The following TXLNB variants were observed in gnomAD, a reference collection of about 807,000 sequenced individuals.
TXLNB encodes beta-taxilin.
A neutral mutation model predicts 57.4 loss-of-function variants in TXLNB; 37 were observed. The ratio of observed to expected loss-of-function variants is 0.64; its 90% CI spans 0.50 to 0.85. The LOEUF is 0.85. Ranked by LOEUF, TXLNB falls within the 40% of genes least tolerant of loss-of-function variation. The probability of loss-of-function intolerance (pLI) is 0.00; values close to 1 mark genes in which losing one functional copy is unlikely to be tolerated. For synonymous variants in TXLNB, 302 were observed against 309.6 expected (o/e 0.98, Z 0.26); for missense variants, 848 against 825.6 (o/e 1.03, Z -0.33).
the TXLNB span, among the ~76,000 whole-genome samples, chr6:139,302,540 G>A: frequency 6.6e-6 from 1 of 150,528 alleles, no homozygotes; most frequent in Non-Finnish European, 1.5e-5. Flanking sequence ...GAGGCGGGTG[G>A]ATTGCCTGAG....
At chr6:139,303,160 ATAAT>A in the TXLNB span, among the ~76,000 whole-genome samples, 18 of 152,324 alleles carry the variant, frequency 1.2e-4, no homozygotes, top group Middle Eastern at 3.4e-3. Flanking sequence ...TTGATAAGTG[ATAAT>A]TAATCAGATA....
At chr6:139,179,835 G>A in the TXLNB span, 1 of 152,156 alleles carries the variant, frequency 6.6e-6, no homozygotes, top group Admixed American at 6.5e-5. Context: ...TTGTTTTTCT[G>A]ATGAATAGTG....
chr6:139,295,984 G>T (rs1000680538), upstream of TXLNB, among the ~76,000 whole-genome samples: 1 of 152,014 alleles, frequency 6.6e-6, no homozygotes, highest in Admixed American at 6.6e-5. Context: ...ATGTATTCTA[G>T]TACTTTTTTG....
chr6:139,297,242 G>A, the TXLNB span, among the ~76,000 whole-genome samples: 1 of 152,014 alleles, frequency 6.6e-6, no homozygotes, highest in Non-Finnish European at 1.5e-5. Flanking sequence ...CTTTACTGGT[G>A]AATTTTATAG....
chr6:139,162,811 A>G, the TXLNB span, among the ~76,000 whole-genome samples: 14 of 152,324 alleles, frequency 9.2e-5, no homozygotes, highest in South Asian at 2.3e-3. Flanking sequence ...GTTGTTGAGT[A>G]GAGGAGTCAC....
chr6:139,259,025 T>A (rs928340565), intron 6 of TXLNB, among the ~76,000 whole-genome samples: 3 of 152,208 alleles, frequency 2.0e-5, no homozygotes, highest in East Asian at 1.9e-4. Context: ...GACTTTCTCC[T>A]TTTCTCTTTG....
At chr6:139,226,302 C>CAAAA in the TXLNB span, among the ~76,000 whole-genome samples, 779 of 39,208 alleles carry the variant, frequency 0.02, 196 homozygotes, top group East Asian at 0.065. Context: ...GACCCTGTCT[C>CAAAA]AAAAAAAAAA....
At chr6:139,193,425 T>C in the TXLNB span, among the ~76,000 whole-genome samples, 1 of 152,124 alleles carries the variant, frequency 6.6e-6, no homozygotes, top group Non-Finnish European at 1.5e-5. Flanking sequence ...CATCTATTTC[T>C]TGCTCATGGG....
At position 139,288,657 on chromosome 6, in the gene TXLNB, G is replaced by A. The variant is rs1410619947; in HGVS notation, c.243C>T (p.Gly81=). The A allele has an allele frequency of 1.2e-6, 2 of 1,614,178 alleles. No homozygotes were observed. The highest frequency in any genetic ancestry group is 1.6e-4 in the Middle Eastern group (1 of 6,062). The stretch of plus-strand genomic sequence containing the variant: ...CAGGCTGCTCACTGGCCCTGGCAGA[G>A]CCCTCTTTCCCTGCTGTGCTGGCAG... ...GSAASTAGKE[G]SARASEQPEN... The change falls in exon 2 of 10, where the codon GGC becomes GGT. Residue 81 remains glycine, a synonymous_variant. Transcript: ENST00000358430.
upstream of TXLNB, among the ~76,000 whole-genome samples, chr6:139,293,970 C>G (rs1255306692): frequency 2.6e-5 from 4 of 152,044 alleles, no homozygotes; most frequent in East Asian, 5.8e-4. Flanking sequence ...ATAAACAAGT[C>G]AGTGCTTTTC....
chr6:139,176,012 C>T, the TXLNB span, among the ~76,000 whole-genome samples: 2 of 152,076 alleles, frequency 1.3e-5, no homozygotes, highest in Non-Finnish European at 2.9e-5. The surrounding 1 kb of genome is among the most constrained non-coding windows in gnomAD (Gnocchi z 4.5). Context: ...AAGATGTAGC[C>T]AAAAATAAGC....
At chr6:139,290,648 A>G (rs1046308093) in intron 1 of TXLNB, among the ~76,000 whole-genome samples, 1 of 152,176 alleles carries the variant, frequency 6.6e-6, no homozygotes, top group African/African-American at 2.4e-5. Flanking sequence ...TGAGTCAGAG[A>G]TTCCAGGGTT....
At chr6:139,264,093 C>A (rs975133139) in intron 4 of TXLNB, among the ~76,000 whole-genome samples, 1 of 152,074 alleles carries the variant, frequency 6.6e-6, no homozygotes, top group Non-Finnish European at 1.5e-5. Flanking sequence ...TGTTATAAAC[C>A]TTTATTAAGC....
chr6:139,276,048 G>T (rs990551329), intron 3 of TXLNB, among the ~76,000 whole-genome samples: 2 of 152,194 alleles, frequency 1.3e-5, no homozygotes, highest in African/African-American at 4.8e-5. Flanking sequence ...ATGATTTCAT[G>T]CAATTCTTCT....
chr6:139,186,425 C>T, the TXLNB span, among the ~76,000 whole-genome samples: 4,247 of 152,170 alleles, frequency 0.028, 96 homozygotes, highest in Non-Finnish European at 0.046. Context: ...TTAGTCATTA[C>T]GGAAATGCAA....
chr6:139,283,683 T>C (rs1271439600), intron 2 of TXLNB, among the ~76,000 whole-genome samples: 1 of 145,156 alleles, frequency 6.9e-6, no homozygotes, highest in Non-Finnish European at 1.5e-5. Context: ...GTGTATACAG[T>C]AAAGGTCAGA....
chr6:139,192,794 A>G, the TXLNB span, among the ~76,000 whole-genome samples: 1 of 146,578 alleles, frequency 6.8e-6, no homozygotes. Context: ...AAAAAAAAAG[A>G]AAGAAAGAAA....
the TXLNB span, among the ~76,000 whole-genome samples, chr6:139,187,258 C>A: frequency 6.6e-6 from 1 of 152,102 alleles, no homozygotes; most frequent in Non-Finnish European, 1.5e-5. Context: ...GTTCTTTAGA[C>A]CCTCTAGTTG....
the TXLNB span, among the ~76,000 whole-genome samples, chr6:139,214,430 C>A: frequency 2.0e-5 from 3 of 152,198 alleles, no homozygotes; most frequent in Middle Eastern, 3.4e-3. Flanking sequence ...ATTCAACAGC[C>A]CTTCATGCTA....
Sources: allele counts gnomAD v4.1 joint callset (sites outside exome capture counted in the v4.1 genomes callset), GRCh38; gene constraint gnomAD v4.1.1; non-coding constraint Gnocchi (gnomAD v3.1); transcripts MANE v1.5; gene names NCBI Gene and HGNC (gene_info 2026-07-23, HGNC 2026-07-21).